NUBP2: variants seen among roughly 807,000 people sequenced by gnomAD.
NUBP2 encodes the protein cytosolic Fe-S cluster assembly factor NUBP2.
In NUBP2, 23 loss-of-function variants were observed where a neutral mutation model predicts 24.9. That is an observed-to-expected ratio of 0.92 (90% CI 0.66 to 1.31). The LOEUF is 1.31. NUBP2 is among the 50% of genes most tolerant of loss of function. NUBP2 has a pLI of 0.00. For synonymous variants in NUBP2, 186 were observed against 170.9 expected, an observed-to-expected ratio of 1.09 and a Z score of -0.69; for missense variants, 403 against 386.5, an observed-to-expected ratio of 1.04 and a Z score of -0.36.
At chr16:1,786,032 C>T (rs1038122332) in intron 1 of NUBP2, 12 of 1,171,866 alleles carry the variant, frequency 1.0e-5, no homozygotes, top group Middle Eastern at 3.9e-4. Flanking sequence ...CCTCACTTAC[C>T]GCACATTGCA....
chr16:1,787,105 C>A (rs900243067), intron 3 of NUBP2, 150 bp downstream of exon 3: 4 of 711,698 alleles, frequency 5.6e-6, no homozygotes, highest in Non-Finnish European at 8.8e-6. Flanking sequence ...CTCAGGCTGG[C>A]GGTGTGTCTC....
intron 1 of NUBP2, 40 bp from the exon 2 acceptor site, chr16:1,786,497 C>G (rs1363951266): frequency 6.5e-7 from 1 of 1,527,710 alleles, no homozygotes; most frequent in African/African-American, 1.4e-5. Flanking sequence ...GCACAGTGGG[C>G]ACCAGGAGCC....
Position 1,788,600 on chromosome 16 carries a change from G to A in NUBP2, c.702G>A (p.Arg234=). Residue 234 remains arginine (R), a synonymous_variant, in exon 7 of 7, where the codon AGG becomes AGA. Coordinates refer to ENST00000262302, the MANE Select transcript of NUBP2 (RefSeq NM_012225.4). ...GSVPLDPALM[R]TLEEGHDFIQ... ...TGCCCCTGGACCCTGCGCTCATGAG[G>A]ACCCTGGAGGAGGGCCACGACTTCA... 6.2e-7 allele frequency: 1 copy of A among 1,609,512 alleles called. No homozygotes were observed. The highest frequency in any genetic ancestry group is 8.5e-7 in the Non-Finnish European group (1 of 1,179,182).
chr16:1,786,841 C>T lies in NUBP2; in HGVS notation c.220C>T (p.Arg74Cys), dbSNP rs143573635. 200 of 1,596,978 alleles carry T rather than the reference C, an allele frequency of 1.3e-4. No homozygotes were observed. The African/African-American group carries it at 2.1e-3, about 17-fold the overall frequency. The change falls in exon 3 of 7, where the codon CGC becomes TGC. Residue 74 changes from arginine (R) to cysteine (C), a missense_variant. Physicochemically the swap from Arg to Cys is radical, Grantham distance 180. Transcript: ENST00000262302. ...GGGCAGGGCTGTGCACCAGTGCGAC[C>T]GCGGCTGGGCACCCGTCTTCCTGGA... is the stretch of plus-strand genomic sequence containing the variant. ...AQGRAVHQCD[R>C]GWAPVFLDRE...
chr16:1,783,340 C>T (rs1458539389), intron 1 of NUBP2: 1 of 1,106,854 alleles, frequency 9.0e-7, no homozygotes, highest in South Asian at 4.5e-5. Flanking sequence ...CCTGTGGGCC[C>T]CGCTATCCTG....
chr16:1,785,935 C>T (rs1386696243), intron 1 of NUBP2: 2 of 1,269,302 alleles, frequency 1.6e-6, no homozygotes, highest in African/African-American at 3.1e-5. Context: ...AAGGTATCTG[C>T]ACACAGCAGC....
chr16:1,785,635 G>A (rs1209368727), intron 1 of NUBP2: 1 of 1,287,974 alleles, frequency 7.8e-7, no homozygotes, highest in Non-Finnish European at 1.0e-6. Flanking sequence ...CTTTGTGTTT[G>A]CAGGAGTGTG....
In NUBP2 at chr16:1,788,192, G is replaced by A. The variant is rs868826294; in HGVS notation, c.655G>A (p.Gly219Arg). ...CGGAGAGGAGCTGGCCCAGCTCGCC[G>A]GGGTGCCCTTCTTAGGTGAGTGTCC... is the stretch of plus-strand genomic sequence containing the variant. ...GGGEELAQLA[G>R]VPFLGSVPLD... is the part of the protein sequence containing the mutation. Residue 219 changes from glycine (G) to arginine (R), a missense_variant, in exon 6 of 7, where the codon GGG becomes AGG. Coordinates refer to ENST00000262302, the MANE Select transcript of NUBP2 (RefSeq NM_012225.4). 5.2e-5 allele frequency: 78 copies of A among 1,503,696 alleles called. No homozygotes were observed. The highest frequency in any genetic ancestry group is 3.2e-4 in the East Asian group (13 of 41,252). 93.1% of individuals were successfully genotyped at this position (1,503,696 alleles called of 1,614,324 possible).
Position 1,786,617 on chromosome 16 carries a change from A to G in NUBP2, c.97A>G (p.Thr33Ala), listed in dbSNP as rs777839734. ...KGGVGKSTIS[T>A]ELALALRHAG... ...GGGCGTTGGGAAAAGCACCATCTCC[A>G]CGGAGCTGGCCCTGGCACTGCGCCA... The change falls in exon 2 of 7, where the codon ACG becomes GCG. Residue 33 changes from threonine (T) to alanine (A), a missense_variant. Transcript: ENST00000262302. The G allele has an allele frequency of 6.8e-6, 11 of 1,612,652 alleles. No homozygotes were observed. The highest frequency in any genetic ancestry group is 1.7e-5 in the Admixed American group (1 of 60,006).
intron 1 of NUBP2, chr16:1,786,023 C>G (rs1229025019): frequency 8.5e-7 from 1 of 1,180,072 alleles, no homozygotes; most frequent in Non-Finnish European, 1.1e-6. Context: ...GCCGGCTCCC[C>G]TCACTTACCG....
intron 3 of NUBP2, 116 bp from the exon 4 acceptor site, chr16:1,787,561 A>T (rs1429395247): frequency 7.3e-7 from 1 of 1,364,284 alleles, no homozygotes; most frequent in African/African-American, 1.4e-5. Flanking sequence ...GGCTGGTGGC[A>T]AGTGACACCT....
Position 1,789,114 on chromosome 16 carries a change from G to A in NUBP2, c.*400G>A, listed in dbSNP as rs1052840338. On this transcript the variant is annotated 3_prime_UTR_variant, in exon 7 of 7. Transcript: ENST00000262302. ...CTCGGGGAGTGCCCCCTAAGGGGGCGAACTGACCTCAGGCATGTTTTGTAA... is the reference window on the plus strand; with the variant it reads ...CTCGGGGAGTGCCCCCTAAGGGGGCAAACTGACCTCAGGCATGTTTTGTAA... 4 of 177,308 alleles carry A rather than the reference G, an allele frequency of 2.3e-5. No individual in the cohort carries two copies. The highest frequency in any genetic ancestry group is 7.1e-5 in the African/African-American group (3 of 42,282). 11.0% of individuals were successfully genotyped at this position (177,308 alleles called of 1,614,324 possible).
rs1158998026 is a variant in NUBP2, at chr16:1,788,514, A to G, written c.671-55A>G. 2.8e-5 allele frequency: 43 copies of G among 1,533,796 alleles called. No individual in the cohort carries two copies. In the East Asian group the frequency reaches 3.8e-4, roughly 14 times the overall value. On this transcript the variant is annotated intron_variant, in intron 6 of 6. Transcript: ENST00000262302. ...GGTTCGGGTGCGTCCAGCTGAGCCAATGGTGGGAGTGGAAGGTGCGGACAT... is the reference window on the plus strand; with the variant it reads ...GGTTCGGGTGCGTCCAGCTGAGCCAGTGGTGGGAGTGGAAGGTGCGGACAT...
At position 1,785,638 on chromosome 16, in the gene NUBP2, G is replaced by C. The variant is rs774199587; in HGVS notation, c.17-899G>C. On this transcript the variant is annotated intron_variant, in intron 1 of 6. Coordinates refer to ENST00000262302, the MANE Select transcript of NUBP2 (RefSeq NM_012225.4). The stretch of plus-strand genomic sequence containing the variant: ...GTGGTCTCGGGGCTTTGTGTTTGCA[G>C]GAGTGTGGGGCTGGGGCTGCCTTTT... The C allele has an allele frequency of 2.3e-6, 3 of 1,288,172 alleles. No homozygotes were observed. The Admixed American group carries it at 6.9e-5, about 30-fold the overall frequency. 79.8% of individuals were successfully genotyped at this position (1,288,172 alleles called of 1,614,324 possible).
chr16:1,783,431 A>G, intron 1 of NUBP2: 1 of 1,016,494 alleles, frequency 9.8e-7, no homozygotes, highest in Non-Finnish European at 1.2e-6. Flanking sequence ...CGCAGTCATG[A>G]AAGTAAGACG....
rs776287656 is a variant in NUBP2 at position 1,786,557 on chromosome 16, G to A, written c.37G>A (p.Val13Ile). Residue 13 changes from valine (V) to isoleucine (I), a missense_variant, in exon 2 of 7, where the codon GTC becomes ATC. Val to Ile is a conservative substitution (Grantham distance 29). Coordinates refer to ENST00000262302, the MANE Select transcript of NUBP2 (RefSeq NM_012225.4). ...AAAEPGNLAG[V>I]RHIILVLSGK... ...CCCAGAGCCTGGAAACCTGGCCGGC[G>A]TCAGGCACATCATCCTGGTCCTCTC... 2.2e-5 allele frequency: 35 copies of A among 1,601,780 alleles called. No individual in the cohort carries two copies. The highest frequency in any genetic ancestry group is 4.5e-5 in the East Asian group (2 of 44,590).
At chr16:1,787,418 T>G in intron 3 of NUBP2, 6 of 553,498 alleles carry the variant, frequency 1.1e-5, no homozygotes, top group East Asian at 3.0e-5. Context: ...CGTGTTCTGA[T>G]TTGGGGCCTC....
At chr16:1,783,921 C>G (rs1896842208) in intron 1 of NUBP2, 1 of 528,786 alleles carries the variant, frequency 1.9e-6, no homozygotes, top group African/African-American at 2.1e-5. Context: ...TCTCGATCTC[C>G]TGACCTCGTG....
At chr16:1,786,015 C>A in intron 1 of NUBP2, 1 of 1,184,212 alleles carries the variant, frequency 8.4e-7, no homozygotes, top group Non-Finnish European at 1.1e-6. Flanking sequence ...TGGAAGCAGC[C>A]GGCTCCCCTC....
Sources: gnomAD v4.1 joint callset for allele counts on GRCh38, gnomAD v4.1.1 for gene constraint, MANE v1.5 for transcripts, NCBI Gene and HGNC (gene_info 2026-07-23, HGNC 2026-07-21) for gene names.